The following KCNG3 variants were observed in gnomAD, a reference collection of about 807,000 sequenced individuals.
The protein encoded by KCNG3 is potassium voltage-gated channel modifier subfamily G member 3.
KCNG3 carries 15 observed loss-of-function variants against 29.0 expected under a neutral mutation model. The ratio of observed to expected loss-of-function variants is 0.52; its 90% confidence interval spans 0.35 to 0.80. The LOEUF is 0.80. Ranked by LOEUF, KCNG3 falls within the 30% of genes least tolerant of loss-of-function variation. The pLI is 0.01. For synonymous variants in KCNG3, 322 were observed against 248.9 expected, an observed-to-expected ratio of 1.29 and a Z score of -2.76; for missense variants, 512 against 605.7, an observed-to-expected ratio of 0.85 and a Z score of 1.62.
the KCNG3 span, among the ~76,000 whole-genome samples, chr2:42,403,477 G>GTTTTTTTTT: frequency 1.1e-5 from 1 of 87,762 alleles, no homozygotes; most frequent in African/African-American, 4.6e-5. Context: ...TTTCTTTTCT[G>GTTTTTTTTT]TTTTTTTTTT....
the KCNG3 span, among the ~76,000 whole-genome samples, chr2:42,412,848 C>T: frequency 6.6e-6 from 1 of 152,178 alleles, no homozygotes; most frequent in Non-Finnish European, 1.5e-5. Context: ...ACTCAGTTTT[C>T]TTCCCTGCTG....
chr2:42,430,080 T>G, the KCNG3 span, among the ~76,000 whole-genome samples: 1 of 152,100 alleles, frequency 6.6e-6, no homozygotes, highest in Non-Finnish European at 1.5e-5. Flanking sequence ...GGTAACCAAC[T>G]AGGGGGGCGG....
intron 1 of KCNG3, among the ~76,000 whole-genome samples, chr2:42,467,324 T>C (rs939981708): frequency 6.6e-6 from 1 of 152,162 alleles, no homozygotes; most frequent in Admixed American, 6.5e-5. Flanking sequence ...TCCTATTTTA[T>C]ATAACACTGT....
chr2:42,487,703 G>A (rs1673762275), intron 1 of KCNG3, among the ~76,000 whole-genome samples: 1 of 152,118 alleles, frequency 6.6e-6, no homozygotes, highest in East Asian at 1.9e-4. Context: ...GAGTAGTTTG[G>A]AATTATCTGT....
At chr2:42,427,706 T>C in the KCNG3 span, among the ~76,000 whole-genome samples, 1 of 152,340 alleles carries the variant, frequency 6.6e-6, no homozygotes, top group Admixed American at 6.5e-5. Flanking sequence ...CATACATTTA[T>C]CTTTACATAA....
intron 1 of KCNG3, among the ~76,000 whole-genome samples, chr2:42,462,609 G>A (rs1041528697): frequency 1.3e-5 from 2 of 152,106 alleles, no homozygotes; most frequent in Non-Finnish European, 2.9e-5. Flanking sequence ...TTGAACCCAC[G>A]AGGCAGACGT....
At chr2:42,417,809 A>AAAAAATTC in the KCNG3 span, among the ~76,000 whole-genome samples, 1 of 151,778 alleles carries the variant, frequency 6.6e-6, no homozygotes, top group Non-Finnish European at 1.5e-5. Flanking sequence ...TGTCTCTGCT[A>AAAAAATTC]AAAAATTCAA....
the KCNG3 span, among the ~76,000 whole-genome samples, chr2:42,419,991 G>A: frequency 1.3e-5 from 2 of 152,176 alleles, no homozygotes; most frequent in Non-Finnish European, 2.9e-5. Context: ...GGGAGGCTGA[G>A]GCGGGCAGAT....
the KCNG3 span, among the ~76,000 whole-genome samples, chr2:42,412,143 G>A: frequency 6.6e-6 from 1 of 152,192 alleles, no homozygotes; most frequent in East Asian, 1.9e-4. Context: ...GGCAGCAGCA[G>A]TGACAGCTTC....
rs951547387 is a variant in KCNG3, at chr2:42,456,041, T to G, written c.666-11462A>C. ...AAGAATATAAAATAAGGAAATGTTA[T>G]ATGAATCCAAACTCCAATAACTTTG... On this transcript the variant is annotated intron_variant, in intron 1 of 1. Transcript: ENST00000306078. 3.3e-5 allele frequency among the ~76,000 whole-genome samples: 5 copies of G among 151,374 alleles called. No individual in the cohort carries two copies. The South Asian group carries it at 8.3e-4, about 25-fold the overall frequency.
At chr2:42,453,729 C>T (rs1242202820) in intron 1 of KCNG3, among the ~76,000 whole-genome samples, 1 of 152,064 alleles carries the variant, frequency 6.6e-6, no homozygotes, top group Non-Finnish European at 1.5e-5. Flanking sequence ...CCCATTTGTT[C>T]ATTTTTGCTT....
chr2:42,410,848 GT>G, the KCNG3 span, among the ~76,000 whole-genome samples: 1 of 152,122 alleles, frequency 6.6e-6, no homozygotes, highest in Admixed American at 6.5e-5. Flanking sequence ...TACAGTCAAG[GT>G]TGGAAAGACT....
rs1255125904 is a variant in KCNG3, at chr2:42,443,888, T to A, written c.*46A>T. On this transcript the variant is annotated 3_prime_UTR_variant, in exon 2 of 2. Coordinates refer to ENST00000306078, the MANE Select transcript of KCNG3 (RefSeq NM_133329.6). ...AGAAACACATAAATATGAAGCAGCA[T>A]CAAAGTCTTTCTATGAAGTGTATGC... is the stretch of plus-strand genomic sequence containing the variant. The A allele has an allele frequency of 2.6e-6, 4 of 1,526,684 alleles. No homozygotes were observed. Among genetic ancestry groups the A allele is most frequent in the Non-Finnish European group, 3.6e-6 (4 of 1,126,494 alleles). 94.6% of individuals were successfully genotyped at this position (1,526,684 alleles called of 1,614,324 possible). A position where few individuals can be genotyped will look rare whatever the true frequency, so the allele number is the denominator to read the frequency against.
At chr2:42,452,237 ATATATAT>A (rs1339317165) in intron 1 of KCNG3, among the ~76,000 whole-genome samples, 3 of 68,730 alleles carry the variant, frequency 4.4e-5, no homozygotes, top group Admixed American at 1.8e-4. Context: ...ATATATATAT[ATATATAT>A]TTTTTTTTTT....
the KCNG3 span, among the ~76,000 whole-genome samples, chr2:42,414,556 T>C: frequency 1.3e-4 from 20 of 151,748 alleles, no homozygotes; most frequent in Non-Finnish European, 2.4e-4. Context: ...TTCTTTTCTT[T>C]TTTTTTTTTT....
the KCNG3 span, among the ~76,000 whole-genome samples, chr2:42,414,927 C>G: frequency 2.0e-5 from 3 of 152,142 alleles, no homozygotes; most frequent in Non-Finnish European, 4.4e-5. Flanking sequence ...ACCAGTTCAT[C>G]TGTTATATCT....
chr2:42,443,242 T>C lies in KCNG3; in HGVS notation c.*692A>G, dbSNP rs1410143439. On this transcript the variant is annotated 3_prime_UTR_variant, in exon 2 of 2. Coordinates refer to ENST00000306078, the MANE Select transcript of KCNG3 (RefSeq NM_133329.6). ...ACACAAGCTCTCGTCAATTCTTAAA[T>C]ACCTTTTGAGTCATTACAGTAAAGA... The C allele has an allele frequency of 1.3e-5, 2 of 152,364 alleles. No homozygotes were observed. The highest frequency in any genetic ancestry group is 1.3e-4 in the Admixed American group (2 of 15,278). The allele number at this position is 152,364 out of a possible 1,614,324, so 9.4% of individuals were successfully genotyped here. A position where few individuals can be genotyped will look rare whatever the true frequency, so the allele number is the denominator to read the frequency against.
intron 1 of KCNG3, among the ~76,000 whole-genome samples, chr2:42,485,217 T>C (rs1673689501): frequency 6.6e-6 from 1 of 152,032 alleles, no homozygotes; most frequent in Admixed American, 6.6e-5. Context: ...CAATTAAAGA[T>C]CAAAATTCCA....
chr2:42,479,781 C>T (rs1019150763), intron 1 of KCNG3, among the ~76,000 whole-genome samples: 1 of 152,064 alleles, frequency 6.6e-6, no homozygotes, highest in Non-Finnish European at 1.5e-5. Flanking sequence ...GAGGCCAAGG[C>T]GGGCAAATCA....
Sources: gnomAD v4.1 joint callset for allele counts (sites outside exome capture counted in the v4.1 genomes callset) on GRCh38, gnomAD v4.1.1 for gene constraint, MANE v1.5 for transcripts, NCBI Gene and HGNC (gene_info 2026-07-23, HGNC 2026-07-21) for gene names.